Variants in IGF2BP3 observed in about 807,000 individuals in gnomAD.
IGF2BP3 encodes insulin-like growth factor 2 mRNA-binding protein 3.
A neutral mutation model predicts 73.8 loss-of-function variants in IGF2BP3; 9 were observed. The observed-to-expected ratio is 0.12, with a 90% CI of 0.07 to 0.21. IGF2BP3 has a LOEUF of 0.21. IGF2BP3 is among the 10% of genes least tolerant of loss of function. IGF2BP3 has a pLI of 1.00. For synonymous variants in IGF2BP3, 258 were observed against 256.7 expected (o/e 1.01, Z -0.05); for missense variants, 542 against 714.0 (o/e 0.76, Z 2.75).
chr7:23,395,701 G>C (rs1400114675), intron 3 of IGF2BP3, among the ~76,000 whole-genome samples: 2 of 152,084 alleles, frequency 1.3e-5, no homozygotes, highest in Non-Finnish European at 2.9e-5. Context: ...TGAGGCAGGT[G>C]AATCACTTGA....
intron 3 of IGF2BP3, among the ~76,000 whole-genome samples, chr7:23,381,310 C>T (rs1291123125): frequency 1.3e-5 from 2 of 152,158 alleles, no homozygotes; most frequent in African/African-American, 4.8e-5. Context: ...CCCAGCGGGA[C>T]AGGAAATACG....
chr7:23,423,197 A>G (rs1467103263), intron 2 of IGF2BP3, among the ~76,000 whole-genome samples: 1 of 152,272 alleles, frequency 6.6e-6, no homozygotes, highest in African/African-American at 2.4e-5. Context: ...TACAAGAGCC[A>G]AAAGTCTCAA....
At chr7:23,330,267 C>G (rs1784410496) in intron 10 of IGF2BP3, among the ~76,000 whole-genome samples, 1 of 151,396 alleles carries the variant, frequency 6.6e-6, no homozygotes, top group Admixed American at 6.6e-5. Flanking sequence ...GCCCGGGTGA[C>G]AGTACAAGAC....
intron 3 of IGF2BP3, among the ~76,000 whole-genome samples, chr7:23,395,559 T>G (rs561651748): frequency 6.6e-6 from 1 of 151,648 alleles, no homozygotes; most frequent in African/African-American, 2.4e-5. Flanking sequence ...CCCAGGAATT[T>G]GAGACCAGCC....
chr7:23,455,348 C>G (rs968917197), intron 2 of IGF2BP3, among the ~76,000 whole-genome samples: 1 of 152,222 alleles, frequency 6.6e-6, no homozygotes, highest in Non-Finnish European at 1.5e-5. Flanking sequence ...TTCACACTTA[C>G]ATGAGGTGGC....
At chr7:23,378,640 C>G (rs1229588119) in intron 3 of IGF2BP3, among the ~76,000 whole-genome samples, 2 of 129,174 alleles carry the variant, frequency 1.5e-5, no homozygotes, top group African/African-American at 6.0e-5. Context: ...GTGGCATGAT[C>G]TTGGCTTACT....
chr7:23,354,534 G>A (rs890602437), intron 5 of IGF2BP3, among the ~76,000 whole-genome samples: 3 of 152,210 alleles, frequency 2.0e-5, no homozygotes, highest in Non-Finnish European at 4.4e-5. Flanking sequence ...GACACATACA[G>A]ATATCATTCT....
At chr7:23,403,548 T>C (rs1786734861) in intron 3 of IGF2BP3, among the ~76,000 whole-genome samples, 1 of 152,174 alleles carries the variant, frequency 6.6e-6, no homozygotes, top group Non-Finnish European at 1.5e-5. Context: ...ATGAAATTGG[T>C]GCTAAAAGTC....
At chr7:23,389,566 C>T (rs553330156) in intron 3 of IGF2BP3, among the ~76,000 whole-genome samples, 1 of 151,098 alleles carries the variant, frequency 6.6e-6, no homozygotes, top group African/African-American at 2.4e-5. Context: ...AATTACAAGA[C>T]TACACAGATG....
chr7:23,434,556 C>T (rs960731601), intron 2 of IGF2BP3, among the ~76,000 whole-genome samples: 7 of 152,218 alleles, frequency 4.6e-5, no homozygotes, highest in African/African-American at 1.7e-4. Context: ...ACTCTGAGAA[C>T]TCCAATGTAT....
chr7:23,453,354 A>G (rs1167152796), intron 2 of IGF2BP3, among the ~76,000 whole-genome samples: 1 of 152,262 alleles, frequency 6.6e-6, no homozygotes, highest in African/African-American at 2.4e-5. Flanking sequence ...CAGTAAAATT[A>G]GAGCTAGAGA....
At chr7:23,358,640 C>T (rs1785153319) in intron 5 of IGF2BP3, among the ~76,000 whole-genome samples, 1 of 152,204 alleles carries the variant, frequency 6.6e-6, no homozygotes, top group Admixed American at 6.5e-5. Flanking sequence ...GGCTACCTGA[C>T]TTTGGTGTTT....
At chr7:23,360,745 T>C (rs561535247) in intron 5 of IGF2BP3, among the ~76,000 whole-genome samples, 2 of 152,296 alleles carry the variant, frequency 1.3e-5, no homozygotes, top group East Asian at 3.9e-4. Flanking sequence ...CTTTCACCTT[T>C]CTGACACAGA....
At chr7:23,399,252 C>T (rs2128524861) in intron 3 of IGF2BP3, among the ~76,000 whole-genome samples, 1 of 152,160 alleles carries the variant, frequency 6.6e-6, no homozygotes. Flanking sequence ...GGGCTCTGTT[C>T]TGTTCCATTG....
chr7:23,420,023 C>T (rs534443681), intron 2 of IGF2BP3, among the ~76,000 whole-genome samples: 2 of 152,218 alleles, frequency 1.3e-5, no homozygotes, highest in African/African-American at 4.8e-5. Context: ...ACACATATAA[C>T]ACAACTGCAT....
At chr7:23,384,607 G>A (rs1254877399) in intron 3 of IGF2BP3, among the ~76,000 whole-genome samples, 1 of 140,140 alleles carries the variant, frequency 7.1e-6, no homozygotes, top group Non-Finnish European at 1.5e-5. Context: ...CAACCTGGTA[G>A]GCACTGGGCG....
At chr7:23,327,072 A>AAATTAATT (rs1298008157) in intron 10 of IGF2BP3, among the ~76,000 whole-genome samples, 1 of 148,516 alleles carries the variant, frequency 6.7e-6, no homozygotes, top group African/African-American at 2.5e-5. Flanking sequence ...TATAATAAAT[A>AAATTAATT]AATTAATTAA....
intron 10 of IGF2BP3, among the ~76,000 whole-genome samples, chr7:23,322,296 T>G (rs1001632218): frequency 2.6e-5 from 4 of 151,722 alleles, no homozygotes; most frequent in African/African-American, 7.3e-5. Flanking sequence ...GGAGCCGATG[T>G]GATCAACTGG....
rs1361718901 is a variant in IGF2BP3, at chr7:23,457,885, G to C, written c.236+10597C>G. 2.6e-5 allele frequency among the ~76,000 whole-genome samples: 4 copies of C among 152,128 alleles called. No individual in the cohort carries two copies. The South Asian group carries it at 6.2e-4, about 24-fold the overall frequency. ...CTGTTTAATATTTATACAATCTGTT[G>C]TATCTATGTTGTATCTGAACAAAAA... On this transcript the variant is annotated intron_variant, in intron 2 of 14. Transcript: ENST00000258729.
Sources: allele counts gnomAD v4.1 joint callset (sites outside exome capture counted in the v4.1 genomes callset), GRCh38; gene constraint gnomAD v4.1.1; transcripts MANE v1.5; gene names NCBI Gene and HGNC (gene_info 2026-07-23, HGNC 2026-07-21).